The following FRAS1 variants were observed in gnomAD, a reference collection of about 807,000 sequenced individuals.
The protein encoded by FRAS1 is Fraser extracellular matrix complex subunit 1, also known as extracellular matrix organizing protein FRAS1.
A neutral mutation model predicts 435.2 loss-of-function variants in FRAS1; 290 were observed. The observed-to-expected ratio is 0.67, with a 90% CI of 0.61 to 0.73. FRAS1 has a LOEUF of 0.73. Among genes scored for constraint, FRAS1 ranks in the 30% least tolerant of loss-of-function variants. FRAS1 has a pLI of 0.00. For synonymous variants in FRAS1, 1,800 were observed against 1,851.0 expected, an observed-to-expected ratio of 0.97 and a Z score of 0.71; for missense variants, 4,860 against 5,001.5, an observed-to-expected ratio of 0.97 and a Z score of 0.85.
chr4:78,472,045 C>G (rs1007806255), intron 51 of FRAS1, 135 bp from the exon 52 acceptor site: 2 of 899,098 alleles, frequency 2.2e-6, no homozygotes, highest in Non-Finnish European at 3.4e-6. Flanking sequence ...ATAGCCTCTC[C>G]AATCCTGACA....
Position 78,384,145 on chromosome 4 carries a change from T to C in FRAS1, c.3648+2T>C. On this transcript the variant is annotated splice_donor_variant, in intron 28 of 73. Coordinates refer to ENST00000512123, the MANE Select transcript of FRAS1 (RefSeq NM_025074.7). LOFTEE classifies it high-confidence loss of function. Reference sequence around the variant, plus strand: ...AACATACAAGCATTTTCAACACAGGTAATAAAAATGGCCACGTAATTAATA... The same window carrying C: ...AACATACAAGCATTTTCAACACAGGCAATAAAAATGGCCACGTAATTAATA... The C allele has an allele frequency of 6.3e-7, 1 of 1,576,906 alleles. No homozygotes were observed. Among genetic ancestry groups the C allele is most frequent in the Non-Finnish European group, 8.6e-7 (1 of 1,162,244 alleles).
intron 2 of FRAS1, among the ~76,000 whole-genome samples, chr4:78,164,680 A>G (rs954405458): frequency 6.6e-6 from 1 of 152,172 alleles, no homozygotes; most frequent in Non-Finnish European, 1.5e-5. Flanking sequence ...ATGGGGTTGT[A>G]CTTAGATATA....
At chr4:78,340,720 A>C (rs1730364971) in intron 20 of FRAS1, among the ~76,000 whole-genome samples, 1 of 152,206 alleles carries the variant, frequency 6.6e-6, no homozygotes, top group African/African-American at 2.4e-5. Flanking sequence ...TGGAAGTCCA[A>C]GATCAAGGTG....
At chr4:78,318,717 G>A (rs1729375354) in intron 17 of FRAS1, 93 bp from the exon 18 acceptor site, 1 of 1,200,926 alleles carries the variant, frequency 8.3e-7, no homozygotes, top group Non-Finnish European at 1.2e-6. Context: ...GGCTGCATTT[G>A]GTGAACTTTT....
intron 27 of FRAS1, among the ~76,000 whole-genome samples, chr4:78,383,700 A>G (rs1475031991): frequency 6.6e-6 from 1 of 152,238 alleles, no homozygotes; most frequent in Non-Finnish European, 1.5e-5. Context: ...CAGAGACTAT[A>G]AAAGATTCCT....
rs1722130608 is a variant in FRAS1 at position 78,543,905 on chromosome 4, T to C, written c.*2781T>C. On this transcript the variant is annotated 3_prime_UTR_variant, in exon 74 of 74. Transcript: ENST00000512123. The stretch of plus-strand genomic sequence containing the variant: ...TCTCAGTGGTTACTACTTGCTTTTA[T>C]ATGCTGGCTGTGAAGGTTAAAAGAA... 1 of 151,894 alleles carries C rather than the reference T, an allele frequency of 6.6e-6. No homozygotes were observed. The allele number at this position is 151,894 out of a possible 1,614,324, so 9.4% of individuals were successfully genotyped here.
Position 78,315,714 on chromosome 4 carries a change from A to G in FRAS1, c.1799A>G (p.Asp600Gly), listed in dbSNP as rs747951508. Residue 600 changes from aspartate to glycine, a missense_variant, in exon 16 of 74, where the codon GAT becomes GGT. Asp to Gly is a moderately conservative substitution (Grantham distance 94). Coordinates refer to ENST00000512123, the MANE Select transcript of FRAS1 (RefSeq NM_025074.7). Reference sequence around the variant, plus strand: ...GAATGCCCTGGCGGGTACTATGCTGATGCCACTGGCAGGTGCAAAGGTAAG... The same window carrying G: ...GAATGCCCTGGCGGGTACTATGCTGGTGCCACTGGCAGGTGCAAAGGTAAG... ...MSECPGGYYA[D>G]ATGRCKVCHN... is the part of the protein sequence containing the mutation. 3 of 1,613,992 alleles carry G rather than the reference A, an allele frequency of 1.9e-6. No homozygotes were observed. Among genetic ancestry groups the G allele is most frequent in the South Asian group, 2.2e-5 (2 of 91,082 alleles).
intron 63 of FRAS1, among the ~76,000 whole-genome samples, chr4:78,510,513 T>G (rs1430591371): frequency 4.6e-5 from 7 of 152,194 alleles, no homozygotes; most frequent in African/African-American, 1.7e-4. Context: ...ATGGGTAAAA[T>G]GTATAAGTTT....
At chr4:78,535,335 C>T (rs947107308) in intron 71 of FRAS1, among the ~76,000 whole-genome samples, 5 of 152,172 alleles carry the variant, frequency 3.3e-5, no homozygotes, top group Non-Finnish European at 5.9e-5. Flanking sequence ...TACTGTTCTG[C>T]GGCCATTCCA....
intron 4 of FRAS1, among the ~76,000 whole-genome samples, chr4:78,245,880 T>C (rs1197694531): frequency 6.6e-6 from 1 of 152,142 alleles, no homozygotes; most frequent in Non-Finnish European, 1.5e-5. Context: ...TTGTAGGACA[T>C]TTAGCTGCAT....
rs375362347 is a variant in FRAS1 at position 78,508,740 on chromosome 4, C to G, written c.9514C>G (p.Leu3172Val). The G allele has an allele frequency of 9.9e-6, 16 of 1,613,790 alleles. No homozygotes were observed. The highest frequency in any genetic ancestry group is 1.4e-5 in the Non-Finnish European group (16 of 1,179,814). Residue 3172 changes from leucine to valine, a missense_variant, in exon 63 of 74, where the codon CTT (leucine) becomes GTT (valine). By Grantham distance (32) the Leu-to-Val change is conservative. Transcript: ENST00000512123. ...ILPAPPIVVT[L>V]ADYDHVEEVT... ...TGTTGCTCTTTCGCAGGTGGTCACA[C>G]TTGCTGACTATGACCATGTGGAAGA...
chr4:78,481,764 T>G (rs749183706), intron 56 of FRAS1, 40 bp from the exon 57 acceptor site: 20 of 1,611,460 alleles, frequency 1.2e-5, no homozygotes, highest in Middle Eastern at 1.6e-4. Flanking sequence ...ATTTTCTGGC[T>G]CAAAGTTGAC....
intron 2 of FRAS1, among the ~76,000 whole-genome samples, chr4:78,165,490 C>T (rs141730987): frequency 4.6e-5 from 7 of 152,276 alleles, no homozygotes; most frequent in African/African-American, 1.7e-4. Flanking sequence ...CTCAAGGCTT[C>T]CACTTACTCT....
intron 50 of FRAS1, among the ~76,000 whole-genome samples, chr4:78,468,680 CTTTG>C (rs1187519119): frequency 6.6e-6 from 1 of 152,174 alleles, no homozygotes; most frequent in Non-Finnish European, 1.5e-5. Context: ...TTACTCATCC[CTTTG>C]TTTGTTAGCC....
intron 2 of FRAS1, among the ~76,000 whole-genome samples, chr4:78,090,361 G>A (rs1331519444): frequency 6.6e-6 from 1 of 152,200 alleles, no homozygotes; most frequent in Non-Finnish European, 1.5e-5. Flanking sequence ...TGGACTTTGA[G>A]AGCCAGTTGA....
intron 12 of FRAS1, among the ~76,000 whole-genome samples, chr4:78,283,743 G>A (rs1331859726): frequency 6.6e-6 from 1 of 152,134 alleles, no homozygotes; most frequent in Non-Finnish European, 1.5e-5. Context: ...CAACTTTATG[G>A]CTTAATTATG....
chr4:78,432,325 A>C, intron 37 of FRAS1, 32 bp from the exon 38 acceptor site: 1 of 1,559,720 alleles, frequency 6.4e-7, no homozygotes. Flanking sequence ...TCCCAGAAGC[A>C]ACTCGTTTGC....
intron 2 of FRAS1, among the ~76,000 whole-genome samples, chr4:78,122,154 G>A (rs1343930881): frequency 6.6e-6 from 1 of 152,088 alleles, no homozygotes; most frequent in East Asian, 1.9e-4. Context: ...AGGCCCCAGT[G>A]TGTGATGTTC....
At chr4:78,296,828 C>A (rs1465236806) in intron 14 of FRAS1, among the ~76,000 whole-genome samples, 1 of 152,196 alleles carries the variant, frequency 6.6e-6, no homozygotes, top group African/African-American at 2.4e-5. Flanking sequence ...GCAGTTGAGA[C>A]AAACTGCAGC....
Sources: gnomAD v4.1 joint callset for allele counts (sites outside exome capture counted in the v4.1 genomes callset) on GRCh38, gnomAD v4.1.1 for gene constraint, MANE v1.5 for transcripts, NCBI Gene and HGNC (gene_info 2026-07-23, HGNC 2026-07-21) for gene names.